Variants in CTIF observed in about 807,000 individuals in gnomAD.
CTIF encodes the protein cap binding complex dependent translation initiation factor.
In CTIF, 21 loss-of-function variants were observed where a neutral mutation model predicts 66.0. The ratio of observed to expected loss-of-function variants is 0.32; its 90% CI spans 0.23 to 0.46. The LOEUF is 0.46. Ranked by LOEUF, CTIF falls within the 20% of genes least tolerant of loss-of-function variation. CTIF has a pLI of 1.00. For missense variants in CTIF, 739 were observed against 812.7 expected, an observed-to-expected ratio of 0.91 and a Z score of 1.10; for synonymous variants, 345 against 326.4, an observed-to-expected ratio of 1.06 and a Z score of -0.62.
chr18:48,637,750 A>G (rs1364696826), intron 3 of CTIF, among the ~76,000 whole-genome samples: 1 of 152,030 alleles, frequency 6.6e-6, no homozygotes, highest in Non-Finnish European at 1.5e-5. Context: ...TCACGTGACA[A>G]AATGTGCTTG....
At chr18:48,770,463 A>G (rs4567801) in intron 9 of CTIF, among the ~76,000 whole-genome samples, 13,552 of 152,232 alleles carry the variant, frequency 0.089, 1,063 homozygotes, top group African/African-American at 0.21. Context: ...CTTGTCAGAG[A>G]CTCTAGATGT....
At position 48,856,108 on chromosome 18, in the gene CTIF, A is replaced by G. The variant is rs1319872791; in HGVS notation, c.1528-1480A>G. Among the ~76,000 whole-genome samples the G allele has an allele frequency of 2.6e-5, 4 of 152,234 alleles. No individual in the cohort carries two copies. In the East Asian group the frequency reaches 7.7e-4, roughly 29 times the overall value. On this transcript the variant is annotated intron_variant, in intron 10 of 11. Transcript: ENST00000256413. ...TTTAGGAACTGAGAGAAAAAGCATT[A>G]GCCAGCAAAGAGGGCTGTGGTAGGA...
chr18:48,617,649 G>T (rs2090422623), intron 1 of CTIF, among the ~76,000 whole-genome samples: 1 of 152,190 alleles, frequency 6.6e-6, no homozygotes, highest in Non-Finnish European at 1.5e-5. Context: ...GCAGGAAGAG[G>T]CAATGGACAG....
rs551531718 is a variant in CTIF, at chr18:48,736,056, C to T, written c.585-21863C>T. On this transcript the variant is annotated intron_variant, in intron 7 of 11. Coordinates refer to ENST00000256413, the MANE Select transcript of CTIF (RefSeq NM_014772.3). ...TGGCTTCTCCATAGAAGCGACTGTT[C>T]CTTCCCGGAGTGTTATGAAAACCTG... Among the ~76,000 whole-genome samples the T allele has an allele frequency of 2.0e-5, 3 of 152,278 alleles. No homozygotes were observed. In the South Asian group the frequency reaches 6.2e-4, roughly 32 times the overall value.
At chr18:48,662,719 A>G (rs1464171826) in intron 3 of CTIF, 3 of 151,626 alleles carry the variant, frequency 2.0e-5, no homozygotes, top group African/African-American at 7.3e-5. Flanking sequence ...GAGTTCTTTC[A>G]CTATACATTC....
At chr18:48,840,309 A>G (rs1035780442) in intron 10 of CTIF, among the ~76,000 whole-genome samples, 5 of 152,206 alleles carry the variant, frequency 3.3e-5, no homozygotes, top group African/African-American at 1.2e-4. Context: ...CCCAGAGCAG[A>G]AGTGGCCCAG....
intron 10 of CTIF, among the ~76,000 whole-genome samples, chr18:48,851,811 T>C (rs1394124159): frequency 6.6e-6 from 1 of 152,106 alleles, no homozygotes; most frequent in Non-Finnish European, 1.5e-5. Context: ...CTGTCTGGAG[T>C]TTCATTCCCA....
intron 7 of CTIF, among the ~76,000 whole-genome samples, chr18:48,730,063 C>T (rs534064379): frequency 2.6e-5 from 4 of 152,198 alleles, no homozygotes; most frequent in African/African-American, 9.7e-5. Flanking sequence ...GCAGTCACCA[C>T]GAGCTGCCTG....
At chr18:48,617,241 C>T (rs937193536) in intron 1 of CTIF, among the ~76,000 whole-genome samples, 1 of 152,216 alleles carries the variant, frequency 6.6e-6, no homozygotes, top group Non-Finnish European at 1.5e-5. Flanking sequence ...TCCTTCAAGC[C>T]AGCAACAGTG....
chr18:48,736,369 TGGGGTTTGG>T (rs1251709882), intron 7 of CTIF, among the ~76,000 whole-genome samples: 1 of 152,192 alleles, frequency 6.6e-6, no homozygotes, highest in Non-Finnish European at 1.5e-5. Context: ...ACCATGTCTC[TGGGGTTTGG>T]GGTCCCCTTC....
intron 9 of CTIF, among the ~76,000 whole-genome samples, chr18:48,771,271 G>T (rs1197336911): frequency 6.6e-6 from 1 of 152,170 alleles, no homozygotes; most frequent in East Asian, 1.9e-4. Context: ...ATGTCTTGGG[G>T]CAAAGAATGC....
intron 1 of CTIF, among the ~76,000 whole-genome samples, chr18:48,615,354 A>T (rs1208887941): frequency 6.6e-6 from 1 of 152,196 alleles, no homozygotes; most frequent in Non-Finnish European, 1.5e-5. Flanking sequence ...ACTGAGATGA[A>T]GCTTGGGGCT....
At chr18:48,582,570 C>A (rs1353780917) in intron 1 of CTIF, among the ~76,000 whole-genome samples, 3 of 152,066 alleles carry the variant, frequency 2.0e-5, no homozygotes, top group Non-Finnish European at 4.4e-5. Flanking sequence ...ACTGCACTGA[C>A]CTTCCCCCTA....
At chr18:48,730,778 A>AGTGTGAAGGGCCCCCTGTG in intron 7 of CTIF, among the ~76,000 whole-genome samples, 1 of 125,990 alleles carries the variant, frequency 7.9e-6, no homozygotes, top group Non-Finnish European at 1.7e-5. Flanking sequence ...CGATGAACGC[A>AGTGTGAAGGGCCCCCTGTG]GTGTGAAGGG....
intron 1 of CTIF, among the ~76,000 whole-genome samples, chr18:48,615,049 T>C (rs1170724845): frequency 1.3e-5 from 2 of 152,070 alleles, no homozygotes; most frequent in African/African-American, 2.4e-5. Context: ...TGTGCGACCA[T>C]GCTCAGCTAA....
chr18:48,750,672 T>C (rs1907716160), intron 7 of CTIF, among the ~76,000 whole-genome samples: 1 of 152,164 alleles, frequency 6.6e-6, no homozygotes, highest in Admixed American at 6.5e-5. Flanking sequence ...TGGCCGGATC[T>C]CCAACCCTCC....
intron 6 of CTIF, among the ~76,000 whole-genome samples, chr18:48,677,474 A>G (rs949538721): frequency 6.6e-6 from 1 of 152,226 alleles, no homozygotes; most frequent in African/African-American, 2.4e-5. Flanking sequence ...TAATGCACCA[A>G]CAGTAACACT....
At chr18:48,817,420 C>T in intron 10 of CTIF, 44 bp downstream of exon 10, 2 of 1,575,960 alleles carry the variant, frequency 1.3e-6, no homozygotes, top group Non-Finnish European at 1.7e-6. Context: ...CCAGACAGCA[C>T]CAGGTCTGGA....
At chr18:48,544,633 G>A (rs1025932799) in intron 1 of CTIF, among the ~76,000 whole-genome samples, 10 of 152,232 alleles carry the variant, frequency 6.6e-5, no homozygotes, top group African/African-American at 2.2e-4. Flanking sequence ...GCCAGTTTGG[G>A]ATGGTTTCAT....
Sources: gnomAD v4.1 joint callset for allele counts (sites outside exome capture counted in the v4.1 genomes callset) on GRCh38, gnomAD v4.1.1 for gene constraint, MANE v1.5 for transcripts, NCBI Gene and HGNC (gene_info 2026-07-23, HGNC 2026-07-21) for gene names.